Variants in CFAP70 observed in about 807,000 individuals in gnomAD.
CFAP70 encodes cilia- and flagella-associated protein 70.
CFAP70 carries 81 observed loss-of-function variants against 137.6 expected under a neutral mutation model. The ratio of observed to expected loss-of-function variants is 0.59; its 90% CI spans 0.49 to 0.71. CFAP70 has a LOEUF of 0.71. Among genes scored for constraint, CFAP70 ranks in the 30% least tolerant of loss-of-function variants. The pLI is 0.00. For synonymous variants in CFAP70, 382 were observed against 423.6 expected (o/e 0.90, Z 1.20); for missense variants, 976 against 1,226.7 (o/e 0.80, Z 3.05).
intron 16 of CFAP70, among the ~76,000 whole-genome samples, 171 bp downstream of exon 17, chr10:73,293,092 T>C (rs564782703): frequency 5.2e-4 from 79 of 152,332 alleles, no homozygotes; most frequent in African/African-American, 1.9e-3. Flanking sequence ...AAATTTCTTT[T>C]AGGTTTGTCA....
At chr10:73,340,735 C>A (rs752855007) in intron 6 of CFAP70, among the ~76,000 whole-genome samples, 2 of 152,200 alleles carry the variant, frequency 1.3e-5, no homozygotes, top group African/African-American at 4.8e-5. Context: ...TGAGCACATG[C>A]GCACCTGGCC....
In CFAP70 at chr10:73,278,344, A is replaced by T. The variant is rs202082598; in HGVS notation, c.2240-7T>A. ...GATAATGCAGCTCCTGGTCCTAAAT[A>T]GATTACATTTTAATGAAAAATAAAA... On this transcript the variant is annotated splice_polypyrimidine_tract_variant and splice_region_variant and intron_variant, in intron 19 of 26. Transcript: ENST00000310715. 14 of 1,600,952 alleles carry T rather than the reference A, an allele frequency of 8.7e-6. No individual in the cohort carries two copies. In the East Asian group the frequency reaches 3.1e-4, roughly 36 times the overall value.
chr10:73,304,640 A>G (rs915557868), intron 12 of CFAP70, among the ~76,000 whole-genome samples: 1 of 152,226 alleles, frequency 6.6e-6, no homozygotes, highest in East Asian at 1.9e-4. Flanking sequence ...TATATCATTT[A>G]TAGAACTGTA....
At chr10:73,255,701 C>T (rs373209906) in intron 26 of CFAP70, among the ~76,000 whole-genome samples, 8 of 152,024 alleles carry the variant, frequency 5.3e-5, no homozygotes, top group East Asian at 1.9e-4. Flanking sequence ...CCCACCAAGA[C>T]GCTCGGCTAA....
intron 25 of CFAP70, among the ~76,000 whole-genome samples, chr10:73,268,157 G>A (rs2045939444): frequency 6.6e-6 from 1 of 152,128 alleles, no homozygotes; most frequent in Non-Finnish European, 1.5e-5. Context: ...GTGTTTAATA[G>A]ATTAATCTTA....
At chr10:73,342,289 C>T (rs1255387738) in intron 5 of CFAP70, among the ~76,000 whole-genome samples, 1 of 152,030 alleles carries the variant, frequency 6.6e-6, no homozygotes, top group Non-Finnish European at 1.5e-5. Flanking sequence ...CCTATAATCC[C>T]ACTTTGGGAG....
exon 21 of CFAP70, chr10:73,277,339 T>A: frequency 3.1e-6 from 5 of 1,614,022 alleles, no homozygotes; most frequent in Non-Finnish European, 3.4e-6. Context: ...GAAGAGCTGA[T>A]GAATCTTGAC....
Position 73,269,717 on chromosome 10 carries a change from T to C in CFAP70, c.2926-2A>G, listed in dbSNP as rs774779106. 6.2e-7 allele frequency: 1 copy of C among 1,605,678 alleles called. No homozygotes were observed. Among genetic ancestry groups the C allele is most frequent in the Non-Finnish European group, 8.5e-7 (1 of 1,172,880 alleles). Reference sequence around the variant, plus strand: ...CTCAGCCTCTGTGAGCTCCTCCAGCTTGACAGAAAAATGAGACATGTGAGT... The same window carrying C: ...CTCAGCCTCTGTGAGCTCCTCCAGCCTGACAGAAAAATGAGACATGTGAGT... On this transcript the variant is annotated splice_acceptor_variant, in intron 24 of 26. Coordinates refer to ENST00000310715, the Ensembl canonical transcript of CFAP70. LOFTEE classifies it high-confidence loss of function.
chr10:73,293,412 T>C (rs1280171339), intron 15 of CFAP70, 24 bp from the exon 17 acceptor site: 2 of 1,554,600 alleles, frequency 1.3e-6, no homozygotes, highest in Middle Eastern at 1.7e-4. Context: ...AGATGTTAGG[T>C]AGACAAAAAT....
At chr10:73,342,012 A>G (rs1227960293) in intron 5 of CFAP70, among the ~76,000 whole-genome samples, 1 of 152,236 alleles carries the variant, frequency 6.6e-6, no homozygotes, top group Non-Finnish European at 1.5e-5. Flanking sequence ...TATTTATATG[A>G]GAGTTGTGCT....
intron 7 of CFAP70, among the ~76,000 whole-genome samples, chr10:73,331,804 C>T (rs1430889455): frequency 1.3e-5 from 2 of 152,120 alleles, no homozygotes; most frequent in Non-Finnish European, 2.9e-5. Flanking sequence ...AGCAATTTAA[C>T]AATATGAATC....
At chr10:73,326,783 C>T (rs1258413851) in intron 8 of CFAP70, among the ~76,000 whole-genome samples, 2 of 152,070 alleles carry the variant, frequency 1.3e-5, no homozygotes. Flanking sequence ...CAAGACTAAA[C>T]CAGGAAGAAC....
At chr10:73,291,175 T>C (rs757174387) in intron 19 of CFAP70, 51 bp downstream of exon 20, 101 of 1,552,586 alleles carry the variant, frequency 6.5e-5, no homozygotes, top group Non-Finnish European at 8.2e-5. Context: ...CCACCACACC[T>C]GGCAGTAATT....
intron 25 of CFAP70, among the ~76,000 whole-genome samples, chr10:73,268,690 CTTCT>C (rs1207939194): frequency 7.3e-6 from 1 of 137,752 alleles, no homozygotes; most frequent in Non-Finnish European, 1.5e-5. Flanking sequence ...ATTTGTTTTT[CTTCT>C]TTTTTTTCTT....
chr10:73,349,492 G>A (rs1207311092), intron 3 of CFAP70, among the ~76,000 whole-genome samples: 4 of 151,420 alleles, frequency 2.6e-5, no homozygotes, highest in African/African-American at 7.3e-5. Flanking sequence ...GCAGTGAGCC[G>A]AGACTGTGCC....
chr10:73,336,644 C>T (rs974060964), intron 6 of CFAP70, among the ~76,000 whole-genome samples: 2 of 139,814 alleles, frequency 1.4e-5, no homozygotes, highest in Non-Finnish European at 3.0e-5. Flanking sequence ...AGTGCAGTGG[C>T]GCGATCTCGG....
chr10:73,351,675 C>T (rs1035147456), intron 3 of CFAP70, among the ~76,000 whole-genome samples: 9 of 152,178 alleles, frequency 5.9e-5, no homozygotes, highest in South Asian at 4.1e-4. Flanking sequence ...TTGTGATCCA[C>T]GCATCTCAGC....
intron 23 of CFAP70, 114 bp from the exon 25 acceptor site, chr10:73,273,131 G>T: frequency 1.2e-6 from 1 of 827,660 alleles, no homozygotes; most frequent in Non-Finnish European, 2.0e-6. Context: ...AGTTAAGCAA[G>T]TCCTTTAATT....
At position 73,278,241 on chromosome 10, in the gene CFAP70, C is replaced by A. The variant is rs12256262; in HGVS notation, c.2336G>T (p.Trp779Leu). The stretch of plus-strand genomic sequence containing the variant: ...TGGTTTTTGGCTTATACTTGGATCC[C>A]AAGTTTGTGTAGTCAAAATGGGTTC... Residue 779 changes from tryptophan to leucine, a missense_variant, in exon 20 of 27, where the codon TGG (tryptophan) becomes TTG (leucine). Coordinates refer to ENST00000310715, the Ensembl canonical transcript of CFAP70. 8,634 of 1,613,882 alleles carry A rather than the reference C, an allele frequency of 5.3e-3. 236 individuals are homozygous for A. In the African/African-American group the frequency reaches 0.074, roughly 14 times the overall value.
Sources: gnomAD v4.1 joint callset for allele counts (sites outside exome capture counted in the v4.1 genomes callset) on GRCh38, gnomAD v4.1.1 for gene constraint, MANE v1.5 for transcripts, NCBI Gene and HGNC (gene_info 2026-07-23, HGNC 2026-07-21) for gene names.